C11orf65: variants seen among roughly 807,000 people sequenced by gnomAD.
C11orf65 encodes the protein chromosome 11 open reading frame 65.
A neutral mutation model predicts 35.3 loss-of-function variants in C11orf65; 38 were observed. The ratio of observed to expected loss-of-function variants is 1.08; its 90% CI spans 0.83 to 1.41. The LOEUF (loss-of-function observed/expected upper bound fraction) is 1.41, where lower values mean the gene tolerates loss of function less well. Among genes scored for constraint, C11orf65 ranks in the 40% most tolerant of loss-of-function variants. The pLI is 0.00. For synonymous variants in C11orf65, 105 were observed against 114.4 expected (o/e 0.92, Z 0.53); for missense variants, 370 against 367.1 (o/e 1.01, Z -0.06).
intron 2 of C11orf65, among the ~76,000 whole-genome samples, chr11:108,444,159 A>G (rs60639858): frequency 0.42 from 63,114 of 151,696 alleles, 13,506 homozygotes; most frequent in Middle Eastern, 0.65. Flanking sequence ...TCCCACAGAA[A>G]TACAAACTAC....
chr11:108,361,147 C>G (rs1209367709), intron 2 of C11orf65, among the ~76,000 whole-genome samples: 8 of 134,918 alleles, frequency 5.9e-5, no homozygotes, highest in Non-Finnish European at 1.1e-4. Context: ...TTCTTTTACA[C>G]CAACAACAGA....
intron 3 of C11orf65, among the ~76,000 whole-genome samples, chr11:108,409,636 G>C (rs2092619546): frequency 6.6e-6 from 1 of 152,076 alleles, no homozygotes; most frequent in South Asian, 2.1e-4. Context: ...CTCTACAGCA[G>C]GGGTCCCCAA....
At chr11:108,458,865 G>C (rs553544671) in intron 2 of C11orf65, among the ~76,000 whole-genome samples, 2 of 152,214 alleles carry the variant, frequency 1.3e-5, no homozygotes, top group South Asian at 4.1e-4. Context: ...CTGGTAAATG[G>C]AAAGTGGTAT....
In C11orf65 at chr11:108,335,951, G is replaced by A. The variant is rs1284049490; in HGVS notation, c.227-659C>T. ...ACTAGGAAGAGGAAATTAACTATCT[G>A]TACTTATAAGGTAACTATTTGTACT... On this transcript the variant is annotated intron_variant, in intron 2 of 3. Coordinates refer to the C11orf65 transcript ENST00000524755. 6.2e-7 allele frequency: 1 copy of A among 1,606,840 alleles called. No homozygotes were observed. The highest frequency in any genetic ancestry group is 8.5e-7 in the Non-Finnish European group (1 of 1,173,632).
At chr11:108,387,744 T>C (rs1317642947) in intron 7 of C11orf65, among the ~76,000 whole-genome samples, 1 of 152,108 alleles carries the variant, frequency 6.6e-6, no homozygotes, top group Admixed American at 6.5e-5. Flanking sequence ...CCCAGGCTGG[T>C]CTTGAACTCT....
At chr11:108,418,765 G>GA (rs201728352) in intron 3 of C11orf65, among the ~76,000 whole-genome samples, 1 of 150,502 alleles carries the variant, frequency 6.6e-6, no homozygotes, top group Non-Finnish European at 1.5e-5. Context: ...GACTGCTCAA[G>GA]AAAAAAAAGA....
chr11:108,363,834 T>C (rs1362662321), intron 2 of C11orf65, among the ~76,000 whole-genome samples: 1 of 152,198 alleles, frequency 6.6e-6, no homozygotes, highest in Non-Finnish European at 1.5e-5. Flanking sequence ...TTGAAGTAAT[T>C]TAGATTTTTC....
chr11:108,390,651 T>C (rs2092138291), intron 7 of C11orf65, among the ~76,000 whole-genome samples: 1 of 152,160 alleles, frequency 6.6e-6, no homozygotes. Flanking sequence ...TTTCCCTTTC[T>C]TCCCTCTCTT....
chr11:108,418,923 T>G (rs1182169489), intron 3 of C11orf65, among the ~76,000 whole-genome samples: 1 of 152,108 alleles, frequency 6.6e-6, no homozygotes, highest in East Asian at 1.9e-4. Context: ...AAATACAACT[T>G]ATCAGAGCTA....
Position 108,431,784 on chromosome 11 carries a change from C to T in C11orf65, c.136G>A (p.Glu46Lys). 6.6e-7 allele frequency: 1 copy of T among 1,524,226 alleles called. No individual in the cohort carries two copies. The highest frequency in any genetic ancestry group is 8.9e-7 in the Non-Finnish European group (1 of 1,121,146). 94.4% of individuals were successfully genotyped at this position (1,524,226 alleles called of 1,614,324 possible). The change falls in exon 3 of 9, where the codon GAA (glutamate) becomes AAA (lysine). Residue 46 changes from glutamate to lysine, a missense_variant. Coordinates refer to ENST00000393084, the MANE Select transcript of C11orf65 (RefSeq NM_152587.5). ...ATATATTTCACTATCTGACGTGGTT[C>T]TCCTTGTCTTCTTAAATCAATCAGA... Reference protein sequence around the residue: ...KSLIDLRRQGEPRQIVKYINP... With the variant: ...KSLIDLRRQGKPRQIVKYINP...
rs1555172801 is a variant in C11orf65 at position 108,437,119 on chromosome 11, G to GT, written c.82-5282dup. Among the ~76,000 whole-genome samples the GT allele has an allele frequency of 2.7e-5, 4 of 147,360 alleles. No individual in the cohort carries two copies. In the South Asian group the frequency reaches 6.6e-4, roughly 24 times the overall value. On this transcript the variant is annotated intron_variant, in intron 2 of 8. Coordinates refer to ENST00000393084, the MANE Select transcript of C11orf65 (RefSeq NM_152587.5). ...CAAAAAAAAAAAAAAAAGGGGGGGGGTGGACAAAATTTTAAAAATTATCTA... is the reference window on the plus strand; with the variant it reads ...CAAAAAAAAAAAAAAAAGGGGGGGGGTTGGACAAAATTTTAAAAATTATCTA...
chr11:108,430,064 G>A (rs937371601), intron 3 of C11orf65, among the ~76,000 whole-genome samples: 1 of 151,816 alleles, frequency 6.6e-6, no homozygotes, highest in African/African-American at 2.4e-5. Context: ...GGAGATGGGT[G>A]GTGGTGATGG....
Position 108,383,115 on chromosome 11 carries a change from A to G in C11orf65, c.848T>C (p.Met283Thr), listed in dbSNP as rs886548657. Residue 283 changes from methionine to threonine, a missense_variant, in exon 9 of 9, where the codon ATG becomes ACG. Met to Thr is a moderately conservative substitution (Grantham distance 81, BLOSUM62 -1). Coordinates refer to ENST00000393084, the MANE Select transcript of C11orf65 (RefSeq NM_152587.5). Reference protein sequence around the residue: ...IYNYGGDISKMQMGIPDDTYY... With the variant: ...IYNYGGDISKTQMGIPDDTYY... Reference sequence around the variant, plus strand: ...AGTATCATCTGGTATTCCCATTTGCATCTTTGATATGTCTCCTCCATAGTT... The same window carrying G: ...AGTATCATCTGGTATTCCCATTTGCGTCTTTGATATGTCTCCTCCATAGTT... 1 of 1,612,264 alleles carries G rather than the reference A, an allele frequency of 6.2e-7. No individual in the cohort carries two copies. Among genetic ancestry groups the G allele is most frequent in the Non-Finnish European group, 8.5e-7 (1 of 1,179,188 alleles).
intron 2 of C11orf65, among the ~76,000 whole-genome samples, chr11:108,436,635 G>C (rs1338492670): frequency 6.6e-6 from 1 of 151,902 alleles, no homozygotes; most frequent in East Asian, 1.9e-4. Context: ...GACCAAACAA[G>C]GACAAATATA....
Position 108,367,411 on chromosome 11 carries a change from G to A in C11orf65, c.226+25797C>T, listed in dbSNP as rs193021589. On this transcript the variant is annotated intron_variant, in intron 2 of 3. Coordinates refer to the C11orf65 transcript ENST00000524755. The stretch of plus-strand genomic sequence containing the variant: ...TGTTCTGTTGGAAGGGAAGGGCTTA[G>A]GTATCTAGTTTGATACATAGGTAGA... The A allele has an allele frequency of 2.0e-3, 390 of 198,596 alleles. 2 individuals are homozygous for A. Among genetic ancestry groups the A allele is most frequent in the African/African-American group, 8.6e-3 (372 of 43,476 alleles). 12.3% of individuals were successfully genotyped at this position (198,596 alleles called of 1,614,324 possible). A position where few individuals can be genotyped will look rare whatever the true frequency, so the allele number is the denominator to read the frequency against.
intron 2 of C11orf65, among the ~76,000 whole-genome samples, chr11:108,359,626 C>G (rs538091017): frequency 6.6e-6 from 1 of 152,282 alleles, no homozygotes; most frequent in East Asian, 1.9e-4. Flanking sequence ...CAAACTAGAA[C>G]TCAGGATTAA....
chr11:108,388,135 C>T (rs945020573), intron 7 of C11orf65, among the ~76,000 whole-genome samples: 4 of 152,146 alleles, frequency 2.6e-5, no homozygotes, highest in Non-Finnish European at 5.9e-5. Flanking sequence ...TTCATTCCAC[C>T]TTCAAGAAAC....
chr11:108,398,779 G>C (rs1478411706), intron 6 of C11orf65, among the ~76,000 whole-genome samples: 1 of 152,228 alleles, frequency 6.6e-6, no homozygotes, highest in African/African-American at 2.4e-5. Flanking sequence ...TCCCCTATTA[G>C]AGGCAATGTT....
intron 2 of C11orf65, among the ~76,000 whole-genome samples, chr11:108,459,277 G>T (rs967642895): frequency 1.2e-4 from 18 of 152,080 alleles, no homozygotes; most frequent in African/African-American, 4.3e-4. Flanking sequence ...TAAGACTCCA[G>T]GGTTTCTTTG....
Sources: allele counts gnomAD v4.1 joint callset (sites outside exome capture counted in the v4.1 genomes callset), GRCh38; gene constraint gnomAD v4.1.1; transcripts MANE v1.5; gene names NCBI Gene and HGNC (gene_info 2026-07-23, HGNC 2026-07-21).